TNPO3: variants seen among roughly 807,000 people sequenced by gnomAD.
The protein encoded by TNPO3 is transportin-3.
A neutral mutation model predicts 122.8 loss-of-function variants in TNPO3; 65 were observed. The ratio of observed to expected loss-of-function variants is 0.53; its 90% CI spans 0.43 to 0.65. TNPO3 has a LOEUF of 0.65. Among genes scored for constraint, TNPO3 ranks in the 30% least tolerant of loss-of-function variants. The pLI, the probability that TNPO3 is intolerant of heterozygous loss-of-function variation, is 0.00. For synonymous variants in TNPO3, 372 were observed against 411.2 expected, an observed-to-expected ratio of 0.90 and a Z score of 1.15; for missense variants, 850 against 1,136.7, an observed-to-expected ratio of 0.75 and a Z score of 3.63.
chr7:129,036,221 G>A (rs1380358567), intron 1 of TNPO3, among the ~76,000 whole-genome samples: 1 of 152,046 alleles, frequency 6.6e-6, no homozygotes, highest in African/African-American at 2.4e-5. Flanking sequence ...CCAAAGTGCT[G>A]GGATTATAGG....
At chr7:128,957,178 A>C in intron 22 of TNPO3, 46 bp downstream of exon 22, 1 of 1,541,672 alleles carries the variant, frequency 6.5e-7, no homozygotes, top group South Asian at 1.1e-5. Flanking sequence ...AGGCATCCCC[A>C]ACAGTCCGAC....
chr7:129,000,333 C>G (rs538265419), intron 7 of TNPO3, 96 bp downstream of exon 7: 14 of 1,297,870 alleles, frequency 1.1e-5, no homozygotes, highest in Non-Finnish European at 1.4e-5. Flanking sequence ...ACTGTAATTT[C>G]TCAACAATAA....
chr7:128,997,753 C>A (rs1801486444), intron 7 of TNPO3, among the ~76,000 whole-genome samples: 1 of 152,226 alleles, frequency 6.6e-6, no homozygotes, highest in African/African-American at 2.4e-5. Context: ...ACTGGCTTTA[C>A]ATTCCATTTA....
chr7:129,014,907 G>A (rs1000551326), intron 4 of TNPO3, 72 bp downstream of exon 4: 12 of 1,443,110 alleles, frequency 8.3e-6, no homozygotes, highest in Non-Finnish European at 1.1e-5. Context: ...TCACAATAAT[G>A]CAATTGATTA....
At chr7:129,026,654 T>C (rs1013406189) in intron 1 of TNPO3, among the ~76,000 whole-genome samples, 3 of 152,200 alleles carry the variant, frequency 2.0e-5, no homozygotes, top group African/African-American at 4.8e-5. Context: ...TCTGCCCGCC[T>C]TGGTCTCCCA....
At chr7:128,980,139 A>G (rs1799479793) in intron 14 of TNPO3, 108 bp from the exon 15 acceptor site, 1 of 928,726 alleles carries the variant, frequency 1.1e-6, no homozygotes, top group South Asian at 1.3e-5. Context: ...CAAATAAAGA[A>G]AACCAGATGA....
At chr7:129,035,439 C>A (rs1161891478) in intron 1 of TNPO3, among the ~76,000 whole-genome samples, 1 of 151,968 alleles carries the variant, frequency 6.6e-6, no homozygotes, top group African/African-American at 2.4e-5. Context: ...CTCGTCTCTA[C>A]ACAAAAAAGA....
At chr7:128,983,909 A>T (rs1355293168) in intron 13 of TNPO3, among the ~76,000 whole-genome samples, 1 of 152,218 alleles carries the variant, frequency 6.6e-6, no homozygotes, top group African/African-American at 2.4e-5. Context: ...GTGGTCACTC[A>T]TACTGGCTCA....
chr7:128,960,695 A>G (rs561701370), intron 21 of TNPO3, among the ~76,000 whole-genome samples: 19 of 152,052 alleles, frequency 1.2e-4, no homozygotes, highest in African/African-American at 4.3e-4. Flanking sequence ...GGAGTCCAAG[A>G]GTTAAAAAAA....
chr7:128,998,650 G>A (rs865939861), intron 7 of TNPO3, among the ~76,000 whole-genome samples: 13 of 151,912 alleles, frequency 8.6e-5, no homozygotes, highest in Non-Finnish European at 1.9e-4. Context: ...AGCCTCCTGA[G>A]TAGCTGGGAT....
chr7:129,030,158 T>C (rs982114375), intron 1 of TNPO3: 6 of 163,098 alleles, frequency 3.7e-5, no homozygotes, highest in Non-Finnish European at 6.8e-5. Context: ...ATCATGCACA[T>C]GTAAAGCCCC....
intron 22 of TNPO3, among the ~76,000 whole-genome samples, 158 bp from the exon 23 acceptor site, chr7:128,955,543 C>T (rs10271573): frequency 0.01 from 1,568 of 152,234 alleles, 20 homozygotes; most frequent in African/African-American, 0.035. Flanking sequence ...AAAAGTCTGG[C>T]GTTTTAACTT....
In TNPO3 at chr7:129,054,708, G is replaced by A. The variant is rs2150586116; in HGVS notation, c.63C>T (p.Asp21=). Residue 21 remains aspartate (D), a synonymous_variant, in exon 1 of 23, where the codon GAC becomes GAT. Transcript: ENST00000265388. ...CGCGCTCCTTTCCGCTGGGATCTGG[G>A]TCGTGGTAAAGCGCCTGCACTGCCT... is the stretch of plus-strand genomic sequence containing the variant. ...VYQAVQALYH[D]PDPSGKERAS... The A allele has an allele frequency of 6.2e-7, 1 of 1,614,226 alleles. No individual in the cohort carries two copies. Among genetic ancestry groups the A allele is most frequent in the Non-Finnish European group, 8.5e-7 (1 of 1,180,046 alleles).
intron 13 of TNPO3, among the ~76,000 whole-genome samples, chr7:128,983,363 C>T (rs1347856312): frequency 2.0e-5 from 3 of 152,096 alleles, no homozygotes; most frequent in East Asian, 3.8e-4. Context: ...TGCGTCACCA[C>T]ACCTGGCTAA....
At chr7:128,985,809 T>C (rs1192187130) in intron 12 of TNPO3, among the ~76,000 whole-genome samples, 2 of 152,030 alleles carry the variant, frequency 1.3e-5, no homozygotes, top group Non-Finnish European at 2.9e-5. Flanking sequence ...AAATCTGATA[T>C]AAAAAAGCAC....
At chr7:128,962,094 G>A (rs1020234791) in intron 21 of TNPO3, among the ~76,000 whole-genome samples, 3 of 152,056 alleles carry the variant, frequency 2.0e-5, no homozygotes, top group Non-Finnish European at 2.9e-5. Flanking sequence ...GGCCAGGCGC[G>A]GTGGCTCACA....
chr7:128,995,868 T>C lies in TNPO3; in HGVS notation c.1158+1521A>G, dbSNP rs563255742. ...AACCTGCCACCATGCCCAGCTAATT[T>C]TTGTATTTTTAGTAGAGACGGGGTT... On this transcript the variant is annotated intron_variant, in intron 8 of 22. Coordinates refer to ENST00000265388, the MANE Select transcript of TNPO3 (RefSeq NM_012470.4). Among the ~76,000 whole-genome samples, 7 of 152,298 alleles carry C rather than the reference T, an allele frequency of 4.6e-5. No individual in the cohort carries two copies. In the South Asian group the frequency reaches 1.0e-3, roughly 23 times the overall value.
In TNPO3 at chr7:128,970,159, C is replaced by A; in HGVS notation, c.2587G>T (p.Val863Phe). The part of the protein sequence containing the change: ...VAEVLWEIMQ[V>F]DRPTFCRWLE... ...GAAAACAATCTTACCGGTCTGTCAACCTGCATGATCTCCCAGAGCACTTCA... is the reference window on the plus strand; with the variant it reads ...GAAAACAATCTTACCGGTCTGTCAAACTGCATGATCTCCCAGAGCACTTCA... The change falls in exon 20 of 23, where the codon GTT becomes TTT. Residue 863 changes from valine (V) to phenylalanine (F), a missense_variant. Coordinates refer to ENST00000265388, the MANE Select transcript of TNPO3 (RefSeq NM_012470.4). 6.2e-7 allele frequency: 1 copy of A among 1,614,136 alleles called. No homozygotes were observed. The highest frequency in any genetic ancestry group is 8.5e-7 in the Non-Finnish European group (1 of 1,180,004).
chr7:129,045,239 A>AT (rs1807882249), intron 1 of TNPO3, among the ~76,000 whole-genome samples: 1 of 152,148 alleles, frequency 6.6e-6, no homozygotes, highest in South Asian at 2.1e-4. Context: ...GTGGGCATAG[A>AT]TTTAGTTTTA....
Sources: allele counts gnomAD v4.1 joint callset (sites outside exome capture counted in the v4.1 genomes callset), GRCh38; gene constraint gnomAD v4.1.1; transcripts MANE v1.5; gene names NCBI Gene and HGNC (gene_info 2026-07-23, HGNC 2026-07-21).